The following PPP1R13B variants were observed in gnomAD, a reference collection of about 807,000 sequenced individuals.
PPP1R13B encodes the protein protein phosphatase 1 regulatory subunit 13B.
PPP1R13B carries 44 observed loss-of-function variants against 119.8 expected under a neutral mutation model. The ratio of observed to expected loss-of-function variants is 0.37; its 90% CI spans 0.29 to 0.47. The LOEUF is 0.47. Ranked by LOEUF, PPP1R13B falls within the 20% of genes least tolerant of loss-of-function variation. The pLI is 0.99. For missense variants in PPP1R13B, 1,227 were observed against 1,413.5 expected (o/e 0.87, Z 2.12); for synonymous variants, 542 against 561.5 (o/e 0.97, Z 0.49).
chr14:103,778,847 A>C, intron 3 of PPP1R13B, 26 bp from the exon 4 acceptor site: 4 of 1,563,312 alleles, frequency 2.6e-6, no homozygotes, highest in Non-Finnish European at 3.5e-6. Context: ...AACCAAACTC[A>C]CCAAAAGGCG....
chr14:103,809,753 G>A (rs1427865446), intron 1 of PPP1R13B, among the ~76,000 whole-genome samples: 1 of 151,872 alleles, frequency 6.6e-6, no homozygotes, highest in Non-Finnish European at 1.5e-5. Context: ...AGCCCAGGAG[G>A]TCAAGGCTGC....
chr14:103,832,128 T>C (rs2086676875), intron 1 of PPP1R13B, among the ~76,000 whole-genome samples: 1 of 151,848 alleles, frequency 6.6e-6, no homozygotes, highest in Admixed American at 6.6e-5. Context: ...AAAAAAGTTA[T>C]GTTTCTATTG....
At chr14:103,757,782 A>C in intron 4 of PPP1R13B, 31 bp from the exon 5 acceptor site, 1 of 1,568,562 alleles carries the variant, frequency 6.4e-7, no homozygotes, top group Admixed American at 1.7e-5. Context: ...TTGGAACATA[A>C]GTTTATCTGC....
intron 1 of PPP1R13B, among the ~76,000 whole-genome samples, chr14:103,802,063 A>G (rs1306033697): frequency 6.6e-6 from 1 of 152,216 alleles, no homozygotes; most frequent in East Asian, 1.9e-4. Context: ...CAAGGCCAAG[A>G]CTAATACTTT....
chr14:103,841,337 C>T (rs539617361), intron 1 of PPP1R13B, among the ~76,000 whole-genome samples: 6 of 152,094 alleles, frequency 3.9e-5, no homozygotes, highest in East Asian at 1.9e-4. Flanking sequence ...CCTGTAATCC[C>T]AGCACTCTGA....
In PPP1R13B at chr14:103,739,829, A is replaced by T. The variant is rs754548214; in HGVS notation, c.2587T>A (p.Ser863Thr). 8.1e-6 allele frequency: 13 copies of T among 1,604,818 alleles called. No individual in the cohort carries two copies. The highest frequency in any genetic ancestry group is 1.0e-5 in the Non-Finnish European group (12 of 1,174,340). ...LPPASHPPAT[S>T]TNKRTNLKKP... is the part of the protein sequence containing the mutation. ...GGTCTAGCAATGACACCCACCGTGGAGGTGGCAGGAGGGTGGCTGGCAGGG... is the reference window on the plus strand; with the variant it reads ...GGTCTAGCAATGACACCCACCGTGGTGGTGGCAGGAGGGTGGCTGGCAGGG... The change falls in exon 12 of 17, where the codon TCC becomes ACC. Residue 863 changes from serine (S) to threonine (T), a missense_variant. By Grantham distance (58) the Ser-to-Thr change is moderately conservative. Transcript: ENST00000202556.
intron 2 of PPP1R13B, among the ~76,000 whole-genome samples, chr14:103,791,553 C>A (rs1048013273): frequency 1.3e-5 from 2 of 152,058 alleles, no homozygotes; most frequent in Non-Finnish European, 2.9e-5. Context: ...GGTGAAATCC[C>A]GTCTCTACTA....
At chr14:103,775,152 A>G (rs759848281) in intron 4 of PPP1R13B, among the ~76,000 whole-genome samples, 3 of 152,148 alleles carry the variant, frequency 2.0e-5, no homozygotes, top group Non-Finnish European at 4.4e-5. Flanking sequence ...TCCATATATT[A>G]TATCATATAC....
rs531260354 is a variant in PPP1R13B at position 103,757,739 on chromosome 14, G to A, written c.367C>T (p.Arg123Cys). ...KRTENGVGNP[R>C]VELTLSELQD... is the part of the protein sequence containing the mutation. ...AGCTCTGAGAGGGTAAGTTCAACAC[G>A]TGGATTCCCAACCTAAACAAAAAGC... Residue 123 changes from arginine to cysteine, a missense_variant, in exon 5 of 17, where the codon CGT becomes TGT. Physicochemically the swap from Arg to Cys is radical, Grantham distance 180 (BLOSUM62 -3). Transcript: ENST00000202556. The A allele has an allele frequency of 6.3e-5, 102 of 1,613,676 alleles. 1 individual carries two copies. In the South Asian group the frequency reaches 1.0e-3, roughly 16 times the overall value.
chr14:103,740,401 G>T lies in PPP1R13B; in HGVS notation c.2015C>A (p.Pro672His). 1.3e-6 allele frequency: 2 copies of T among 1,580,724 alleles called. No individual in the cohort carries two copies. Among genetic ancestry groups the T allele is most frequent in the Non-Finnish European group, 8.6e-7 (1 of 1,160,528 alleles). ...TVESLPRPLS[P>H]TKLTPIVHSP... ...ATGCACGATGGGCGTGAGCTTGGTG[G>T]GGCTGAGTGGCCGTGGCAGGCTCTC... The change falls in exon 12 of 17, where the codon CCC becomes CAC. Residue 672 changes from proline to histidine, a missense_variant. Pro to His is a moderately conservative substitution (Grantham distance 77). Transcript: ENST00000202556. This position sits in a 1 kb window ranked among gnomAD's most constrained non-coding sequence, Gnocchi z 4.6.
chr14:103,847,543 T>A lies in PPP1R13B; in HGVS notation c.-236A>T. ...GGCCGCCGCCGCCGCCGCCTCAACCTCAGCCTCAGCCTCAGCCCCAGCCCG... is the reference window on the plus strand; with the variant it reads ...GGCCGCCGCCGCCGCCGCCTCAACCACAGCCTCAGCCTCAGCCCCAGCCCG... On this transcript the variant is annotated 5_prime_UTR_variant, in exon 1 of 17. Coordinates refer to ENST00000202556, the MANE Select transcript of PPP1R13B (RefSeq NM_015316.3). 3.0e-6 allele frequency: 3 copies of A among 983,978 alleles called. No homozygotes were observed. The highest frequency in any genetic ancestry group is 3.6e-6 in the Non-Finnish European group (3 of 829,958). 61.0% of individuals were successfully genotyped at this position (983,978 alleles called of 1,614,324 possible).
chr14:103,835,224 G>C (rs1280783773), intron 1 of PPP1R13B, among the ~76,000 whole-genome samples: 1 of 152,100 alleles, frequency 6.6e-6, no homozygotes, highest in Non-Finnish European at 1.5e-5. Flanking sequence ...CCAGGCTCAA[G>C]CGATCCTCCT....
Position 103,776,602 on chromosome 14 carries a change from A to G in PPP1R13B, c.354+2143T>C, listed in dbSNP as rs952411659. 3.9e-4 allele frequency among the ~76,000 whole-genome samples: 60 copies of G among 152,264 alleles called. No individual in the cohort carries two copies. In the East Asian group the frequency reaches 7.9e-3, roughly 20 times the overall value. The stretch of plus-strand genomic sequence containing the variant: ...AAGAAACTCAATCAGGCTGGGCGCG[A>G]TGGCTCACGCCTGTAATCCCAGAAC... On this transcript the variant is annotated intron_variant, in intron 4 of 16. Coordinates refer to ENST00000202556, the MANE Select transcript of PPP1R13B (RefSeq NM_015316.3).
intron 2 of PPP1R13B, among the ~76,000 whole-genome samples, chr14:103,796,890 G>A (rs1438692918): frequency 6.6e-6 from 1 of 152,150 alleles, no homozygotes; most frequent in Non-Finnish European, 1.5e-5. Context: ...CCAGGAGGCG[G>A]AGGTTGCAGT....
intron 7 of PPP1R13B, 63 bp downstream of exon 7, chr14:103,752,937 T>C (rs1188608626): frequency 6.5e-7 from 1 of 1,543,320 alleles, no homozygotes; most frequent in Non-Finnish European, 8.8e-7. Context: ...TTCCAACCCA[T>C]GCTAATGAAA....
At chr14:103,837,288 T>C (rs2086799953) in intron 1 of PPP1R13B, among the ~76,000 whole-genome samples, 1 of 152,216 alleles carries the variant, frequency 6.6e-6, no homozygotes, top group Middle Eastern at 3.2e-3. Context: ...GGCAAAAAGT[T>C]TTATTTAACA....
chr14:103,773,196 C>T (rs1403215574), intron 4 of PPP1R13B, among the ~76,000 whole-genome samples: 1 of 151,380 alleles, frequency 6.6e-6, no homozygotes, highest in East Asian at 1.9e-4. Context: ...GGACAGTATC[C>T]AGAATATAGT....
At chr14:103,821,986 A>G (rs2152069795) in intron 1 of PPP1R13B, among the ~76,000 whole-genome samples, 1 of 152,300 alleles carries the variant, frequency 6.6e-6, no homozygotes, top group East Asian at 1.9e-4. Flanking sequence ...TGAAAAAAAT[A>G]AGCTAACAGG....
Position 103,847,547 on chromosome 14 carries a change from C to A in PPP1R13B, c.-240G>T. The A allele has an allele frequency of 1.0e-6, 1 of 986,396 alleles. No individual in the cohort carries two copies. The highest frequency in any genetic ancestry group is 1.2e-6 in the Non-Finnish European group (1 of 831,226). The allele number at this position is 986,396 out of a possible 1,614,324, so 61.1% of individuals were successfully genotyped here. ...GCCGCCGCCGCCGCCTCAACCTCAG[C>A]CTCAGCCTCAGCCCCAGCCCGACAG... On this transcript the variant is annotated 5_prime_UTR_variant, in exon 1 of 17. Coordinates refer to ENST00000202556, the MANE Select transcript of PPP1R13B (RefSeq NM_015316.3).
Sources: gnomAD v4.1 joint callset for allele counts (sites outside exome capture counted in the v4.1 genomes callset) on GRCh38, gnomAD v4.1.1 for gene constraint, Gnocchi (gnomAD v3.1) non-coding constraint, MANE v1.5 for transcripts, NCBI Gene and HGNC (gene_info 2026-07-23, HGNC 2026-07-21) for gene names.